YTHDC2: variants seen among roughly 807,000 people sequenced by gnomAD.
The protein encoded by YTHDC2 is 3'-5' RNA helicase YTHDC2.
Under a neutral mutation model 174.9 loss-of-function variants are expected in YTHDC2, and 45 were observed. The observed-to-expected ratio is 0.26, with a 90% CI of 0.20 to 0.33. YTHDC2 has a LOEUF of 0.33. Among genes scored for constraint, YTHDC2 ranks in the 10% least tolerant of loss-of-function variants. The pLI is 1.00. For synonymous variants in YTHDC2, 657 were observed against 574.5 expected, an observed-to-expected ratio of 1.14 and a Z score of -2.05; for missense variants, 1,650 against 1,723.7, an observed-to-expected ratio of 0.96 and a Z score of 0.76.
At chr5:113,555,156 T>A (rs1215570606) in intron 16 of YTHDC2, among the ~76,000 whole-genome samples, 5 of 151,908 alleles carry the variant, frequency 3.3e-5, no homozygotes. Flanking sequence ...TTACCTAAAG[T>A]GGATAAAGTG....
Position 113,592,174 on chromosome 5 carries a change from G to A in YTHDC2, c.4208G>A (p.Gly1403Glu), listed in dbSNP as rs1298661989. The A allele has an allele frequency of 6.2e-7, 1 of 1,605,656 alleles. No homozygotes were observed. The highest frequency in any genetic ancestry group is 8.5e-7 in the Non-Finnish European group (1 of 1,177,108). The change falls in exon 28 of 30, where the codon GGG (glycine) becomes GAG (glutamate). Residue 1403 changes from glycine (G) to glutamate (E), a missense_variant. Around this residue, in one of 5 missense-constraint regions of YTHDC2, gnomAD observed 913 missense variants for 940.4 expected, o/e 0.97. Transcript: ENST00000161863. ...AAGAAAGTGCAGATAAGCAGGGATG[G>A]GCAGGTATACAATGGCATTTTTTTT... ...DNKKVQISRD[G>E]QELEPLVGEQ...
At position 113,553,297 on chromosome 5, in the gene YTHDC2, A is replaced by G. The variant is rs1337730269; in HGVS notation, c.1805A>G (p.Glu602Gly). Residue 602 changes from glutamate (E) to glycine (G), a missense_variant, in exon 13 of 30, where the codon GAA (glutamate) becomes GGA (glycine). By Grantham distance (98) the Glu-to-Gly change is moderately conservative (BLOSUM62 -2). Coordinates refer to ENST00000161863, the MANE Select transcript of YTHDC2 (RefSeq NM_022828.5). ...GCTTATCATCATAGTTTCGATGATG[A>G]AAAAGTAGACTTGGATTTGATCATG... ...LKAYHHSFDD[E>G]KVDLDLIMHL... 1.2e-6 allele frequency: 2 copies of G among 1,612,068 alleles called. No homozygotes were observed. The highest frequency in any genetic ancestry group is 1.7e-6 in the Non-Finnish European group (2 of 1,179,020).
At chr5:113,532,748 T>A in intron 4 of YTHDC2, 131 bp from the exon 5 acceptor site, 1 of 731,212 alleles carries the variant, frequency 1.4e-6, no homozygotes. Context: ...GTTACATGAA[T>A]GTTGTTGATT....
At chr5:113,559,821 C>T (rs1196816152) in intron 17 of YTHDC2, among the ~76,000 whole-genome samples, 3 of 152,262 alleles carry the variant, frequency 2.0e-5, no homozygotes, top group Admixed American at 1.3e-4. Flanking sequence ...ATGGCTTTAC[C>T]AGTATGATCC....
chr5:113,583,596 G>A (rs926892477), intron 25 of YTHDC2: 2 of 152,288 alleles, frequency 1.3e-5, no homozygotes, highest in Non-Finnish European at 1.5e-5. Flanking sequence ...GCAATTTCCT[G>A]CCTCAGTCTC....
intron 25 of YTHDC2, 192 bp from the exon 26 acceptor site, chr5:113,584,110 G>A (rs1778544833): frequency 1.2e-5 from 5 of 408,898 alleles, no homozygotes; most frequent in Non-Finnish European, 2.1e-5. Context: ...CTAGTTAGTT[G>A]TAAATTTAGA....
intron 23 of YTHDC2, among the ~76,000 whole-genome samples, chr5:113,568,816 A>C (rs1297797354): frequency 1.3e-5 from 2 of 152,162 alleles, no homozygotes; most frequent in African/African-American, 4.8e-5. Context: ...ACTATTGTGA[A>C]TAATGCTGCA....
At chr5:113,533,899 C>G (rs914559478) in intron 5 of YTHDC2, among the ~76,000 whole-genome samples, 5 of 152,088 alleles carry the variant, frequency 3.3e-5, no homozygotes, top group African/African-American at 1.2e-4. Flanking sequence ...AATCTGAAAC[C>G]TAAAACCCTT....
chr5:113,581,823 G>T, intron 25 of YTHDC2, 114 bp downstream of exon 25: 3 of 935,590 alleles, frequency 3.2e-6, no homozygotes, highest in East Asian at 3.1e-5. Flanking sequence ...TATAATCTAA[G>T]ATCCATGAAA....
At chr5:113,562,653 C>T (rs1055821478) in intron 18 of YTHDC2, among the ~76,000 whole-genome samples, 4 of 152,154 alleles carry the variant, frequency 2.6e-5, no homozygotes, top group African/African-American at 9.7e-5. Context: ...TTCTGCCTTA[C>T]AGCTTTCACA....
At chr5:113,579,876 G>A (rs1778292893) in intron 24 of YTHDC2, 181 bp downstream of exon 24, 8 of 985,232 alleles carry the variant, frequency 8.1e-6, no homozygotes, top group Non-Finnish European at 8.4e-6. Flanking sequence ...TTCCAACAGA[G>A]GACTTGGAAA....
Position 113,567,693 on chromosome 5 carries a change from C to T in YTHDC2, c.3088C>T (p.Leu1030=), listed in dbSNP as rs1191131998. 3.1e-6 allele frequency: 5 copies of T among 1,607,044 alleles called. No homozygotes were observed. Among genetic ancestry groups the T allele is most frequent in the Admixed American group, 1.7e-5 (1 of 58,528 alleles). ...TGGTCAAGCTGCAGCAATTAAGGCA[C>T]TGCCCACAGATTGGCTTATTTATGA... The part of the protein sequence containing the change: ...ANGQAAAIKA[L]PTDWLIYDEM... The change falls in exon 23 of 30, where the codon CTG becomes TTG. Residue 1030 remains leucine, a synonymous_variant. Coordinates refer to ENST00000161863, the MANE Select transcript of YTHDC2 (RefSeq NM_022828.5).
At position 113,525,137 on chromosome 5, in the gene YTHDC2, G is replaced by A. The variant is rs1270587963; in HGVS notation, c.435G>A (p.Leu145=). 3 of 1,604,414 alleles carry A rather than the reference G, an allele frequency of 1.9e-6. No individual in the cohort carries two copies. The highest frequency in any genetic ancestry group is 2.7e-5 in the African/African-American group (2 of 74,488). ...PVTNKERTEL[L]PKTERGNVFA... ...CCAATAAAGAGCGTACAGAACTTCT[G>A]CCTAAAACAGAAAGAGGAAATGTGT... The change falls in exon 3 of 30, where the codon CTG becomes CTA. Residue 145 remains leucine (L), a synonymous_variant. Coordinates refer to ENST00000161863, the MANE Select transcript of YTHDC2 (RefSeq NM_022828.5).
At chr5:113,561,429 T>C (rs903683523) in intron 18 of YTHDC2, among the ~76,000 whole-genome samples, 1 of 151,304 alleles carries the variant, frequency 6.6e-6, no homozygotes, top group Non-Finnish European at 1.5e-5. Flanking sequence ...TTAAAGGATA[T>C]ATATATATTT....
In YTHDC2 at chr5:113,579,653, C is replaced by A; in HGVS notation, c.3312C>A (p.Ala1104=). ...ACAAAACTACAGCTAATTTGGCAGC[C>A]TTGAAACTTGATGAGTGGCTCCATT... The part of the protein sequence containing the change: ...MEDKTTANLA[A]LKLDEWLHFT... Residue 1104 remains alanine, a synonymous_variant, in exon 24 of 30, where the codon GCC becomes GCA. Transcript: ENST00000161863. The A allele has an allele frequency of 6.2e-7, 1 of 1,610,088 alleles. No homozygotes were observed. The highest frequency in any genetic ancestry group is 8.5e-7 in the Non-Finnish European group (1 of 1,177,912).
intron 2 of YTHDC2, 144 bp from the exon 3 acceptor site, chr5:113,524,836 AT>A: frequency 1.7e-5 from 10 of 586,312 alleles, no homozygotes; most frequent in South Asian, 6.2e-5. Flanking sequence ...TCTTTACTGA[AT>A]TTTTTTGGAC....
At chr5:113,548,260 T>C (rs1400042955) in intron 10 of YTHDC2, among the ~76,000 whole-genome samples, 1 of 152,204 alleles carries the variant, frequency 6.6e-6, no homozygotes, top group African/African-American at 2.4e-5. Flanking sequence ...TCCTTTTCTG[T>C]TGAAATAATA....
intron 6 of YTHDC2, 124 bp downstream of exon 6, chr5:113,534,531 A>G: frequency 1.5e-6 from 1 of 688,318 alleles, no homozygotes. Context: ...AGGGTAGAAA[A>G]GAGAACCAAC....
At chr5:113,537,514 C>A (rs1363616878) in intron 7 of YTHDC2, among the ~76,000 whole-genome samples, 1 of 151,438 alleles carries the variant, frequency 6.6e-6, no homozygotes, top group Non-Finnish European at 1.5e-5. Flanking sequence ...TAGTGGTATT[C>A]TCTAGAATTA....
Sources: gnomAD v4.1 joint callset for allele counts (sites outside exome capture counted in the v4.1 genomes callset) on GRCh38, gnomAD v4.1.1 for gene constraint, gnomAD v4.1.1 regional missense constraint, MANE v1.5 for transcripts, NCBI Gene and HGNC (gene_info 2026-07-23, HGNC 2026-07-21) for gene names.